Variants in TM7SF3 observed in about 807,000 individuals in gnomAD.
TM7SF3 encodes the protein seven span transmembrane protein.
TM7SF3 carries 60 observed loss-of-function variants against 65.5 expected under a neutral mutation model. That is an observed-to-expected ratio of 0.92 (90% CI 0.74 to 1.14). The LOEUF is 1.14. Among genes scored for constraint, TM7SF3 ranks in the 50% most tolerant of loss-of-function variants. The pLI is 0.00. For synonymous variants in TM7SF3, 264 were observed against 259.6 expected (o/e 1.02, Z -0.16); for missense variants, 623 against 684.8 (o/e 0.91, Z 1.01).
At chr12:27,004,760 G>A (rs1940967371) in intron 1 of TM7SF3, among the ~76,000 whole-genome samples, 2 of 151,992 alleles carry the variant, frequency 1.3e-5, no homozygotes, top group East Asian at 3.9e-4. Context: ...ATAACTTAAT[G>A]TTTTTTTAAA....
In TM7SF3 at chr12:26,996,746, C is replaced by A; in HGVS notation, c.514G>T (p.Ala172Ser). The change falls in exon 4 of 12, where the codon GCG becomes TCG. Residue 172 changes from alanine to serine, a missense_variant. Transcript: ENST00000343028. Reference protein sequence around the residue: ...IKFAPANLGYARGVDPPPCDA... With the variant: ...IKFAPANLGYSRGVDPPPCDA... Reference sequence around the variant, plus strand: ...AGACATGGGAGACAGACGTACCTCGCATAGCCTAGGTTTGCTGGGGCAAAC... The same window carrying A: ...AGACATGGGAGACAGACGTACCTCGAATAGCCTAGGTTTGCTGGGGCAAAC... 1 of 1,610,930 alleles carries A rather than the reference C, an allele frequency of 6.2e-7. No individual in the cohort carries two copies. Among genetic ancestry groups the A allele is most frequent in the East Asian group, 2.2e-5 (1 of 44,780 alleles).
chr12:26,999,618 C>A lies in TM7SF3; in HGVS notation c.305G>T (p.Arg102Ile), dbSNP rs1184801225. The A allele has an allele frequency of 4.3e-6, 7 of 1,614,052 alleles. No individual in the cohort carries two copies. The South Asian group carries it at 5.5e-5, about 13-fold the overall frequency. ...GTASGLVFIL[R>I]PEQSTCTWYL... The stretch of plus-strand genomic sequence containing the variant: ...CCAAGTGCATGTACTCTGCTCTGGT[C>A]TAAGGATGAAAACCAGTCCACTGGC... The change falls in exon 3 of 12, where the codon AGA (arginine) becomes ATA (isoleucine). Residue 102 changes from arginine to isoleucine, a missense_variant. Transcript: ENST00000343028.
At chr12:26,989,126 A>C (rs1415833059) in intron 6 of TM7SF3, among the ~76,000 whole-genome samples, 4 of 152,132 alleles carry the variant, frequency 2.6e-5, no homozygotes, top group Admixed American at 2.6e-4. Context: ...AATAGTAGTT[A>C]ATTTTGGGGA....
intron 1 of TM7SF3, chr12:27,012,818 T>G (rs1941296341): frequency 2.3e-6 from 1 of 427,212 alleles, no homozygotes; most frequent in African/African-American, 2.0e-5. Context: ...AACAACATGG[T>G]GAAACCCCGC....
intron 8 of TM7SF3, chr12:26,980,169 G>A: frequency 1.7e-6 from 1 of 582,628 alleles, no homozygotes; most frequent in South Asian, 2.2e-5. Context: ...TGACAGGCTT[G>A]GCTTGTCAAT....
At chr12:26,993,264 T>G (rs770933494) in intron 5 of TM7SF3, among the ~76,000 whole-genome samples, 2 of 152,172 alleles carry the variant, frequency 1.3e-5, no homozygotes, top group African/African-American at 2.4e-5. Context: ...GTTCCATGCA[T>G]GGTGTTTACG....
At chr12:27,003,479 C>T (rs1247059275) in intron 1 of TM7SF3, 89 bp from the exon 2 acceptor site, 21 of 1,295,550 alleles carry the variant, frequency 1.6e-5, no homozygotes, top group Non-Finnish European at 2.0e-5. Context: ...GGAATTTAAT[C>T]CTCAGAAAAA....
chr12:26,994,064 T>C (rs1313561573), intron 5 of TM7SF3, among the ~76,000 whole-genome samples: 4 of 152,166 alleles, frequency 2.6e-5, no homozygotes, highest in African/African-American at 9.7e-5. Flanking sequence ...TGGTACAAAA[T>C]ATTCTTTTAA....
chr12:27,007,070 T>C (rs955097317), intron 1 of TM7SF3, among the ~76,000 whole-genome samples: 1 of 152,156 alleles, frequency 6.6e-6, no homozygotes, highest in Non-Finnish European at 1.5e-5. Flanking sequence ...GTCTAAGATA[T>C]CCAGAAATAA....
At chr12:26,994,535 C>T (rs1477425111) in intron 5 of TM7SF3, among the ~76,000 whole-genome samples, 3 of 152,164 alleles carry the variant, frequency 2.0e-5, no homozygotes, top group Non-Finnish European at 2.9e-5. Flanking sequence ...TTAGTAGAGA[C>T]ACGGTTTCAC....
intron 2 of TM7SF3, among the ~76,000 whole-genome samples, chr12:27,002,763 G>A (rs1223305215): frequency 6.6e-6 from 1 of 152,210 alleles, no homozygotes; most frequent in Admixed American, 6.5e-5. Context: ...CACAGGGCTG[G>A]ATGAACTGAG....
intron 6 of TM7SF3, among the ~76,000 whole-genome samples, chr12:26,988,924 C>CT (rs771661277): frequency 5.9e-5 from 9 of 152,118 alleles, no homozygotes; most frequent in Admixed American, 1.3e-4. Context: ...AGATGAAGGC[C>CT]TTTATGATGA....
intron 5 of TM7SF3, among the ~76,000 whole-genome samples, chr12:26,993,496 G>C (rs1940463620): frequency 6.6e-6 from 1 of 152,168 alleles, no homozygotes; most frequent in African/African-American, 2.4e-5. Flanking sequence ...GATAATGTCA[G>C]ACTGCACTAC....
At chr12:26,986,912 C>A (rs551937878) in intron 6 of TM7SF3, among the ~76,000 whole-genome samples, 7 of 152,344 alleles carry the variant, frequency 4.6e-5, no homozygotes, top group African/African-American at 1.7e-4. Context: ...CTCTTCCATG[C>A]AATACTGTCT....
In TM7SF3 at chr12:26,996,882, G is replaced by T. The variant is rs1296314446; in HGVS notation, c.398-20C>A. 1.3e-6 allele frequency: 2 copies of T among 1,591,632 alleles called. No homozygotes were observed. Among genetic ancestry groups the T allele is most frequent in the African/African-American group, 1.4e-5 (1 of 73,222 alleles). ...CAGGATCTGGATAAGAAATAGGGAA[G>T]TTACTAAACAAACAATTCCTACATA... On this transcript the variant is annotated intron_variant, in intron 3 of 11. Coordinates refer to ENST00000343028, the MANE Select transcript of TM7SF3 (RefSeq NM_016551.3).
At chr12:26,988,714 A>ACACAG (rs1940213714) in intron 6 of TM7SF3, among the ~76,000 whole-genome samples, 2 of 125,900 alleles carry the variant, frequency 1.6e-5, no homozygotes, top group Non-Finnish European at 3.6e-5. Flanking sequence ...GTGTGTACGT[A>ACACAG]TCTATACATA....
At chr12:27,001,858 T>C in intron 2 of TM7SF3, among the ~76,000 whole-genome samples, 1 of 152,214 alleles carries the variant, frequency 6.6e-6, no homozygotes, top group East Asian at 1.9e-4. Context: ...GCTCCTTCCT[T>C]TCTAAGGAAG....
intron 1 of TM7SF3, among the ~76,000 whole-genome samples, chr12:27,012,042 A>G (rs144222437): frequency 1.4e-4 from 21 of 152,310 alleles, no homozygotes; most frequent in African/African-American, 5.1e-4. Flanking sequence ...TAAAATAGAG[A>G]TAGCATCTCT....
At chr12:27,010,467 A>C (rs148205691) in intron 1 of TM7SF3, among the ~76,000 whole-genome samples, 1 of 152,366 alleles carries the variant, frequency 6.6e-6, no homozygotes, top group African/African-American at 2.4e-5. Context: ...AAGACAACTT[A>C]AACAGCTCAG....
Sources: gnomAD v4.1 joint callset for allele counts (sites outside exome capture counted in the v4.1 genomes callset) on GRCh38, gnomAD v4.1.1 for gene constraint, MANE v1.5 for transcripts, NCBI Gene and HGNC (gene_info 2026-07-23, HGNC 2026-07-21) for gene names.